The following GATAD2B variants were observed in gnomAD, a reference collection of about 807,000 sequenced individuals.
The protein encoded by GATAD2B is transcriptional repressor p66-beta.
GATAD2B carries 8 observed loss-of-function variants against 64.3 expected under a neutral mutation model. The ratio of observed to expected loss-of-function variants is 0.12; its 90% CI spans 0.07 to 0.22. The LOEUF is 0.22. GATAD2B is among the 10% of genes least tolerant of loss of function. The pLI is 1.00. For synonymous variants in GATAD2B, 281 were observed against 271.3 expected, an observed-to-expected ratio of 1.04 and a Z score of -0.35; for missense variants, 453 against 752.0, an observed-to-expected ratio of 0.60 and a Z score of 4.65.
intron 1 of GATAD2B, among the ~76,000 whole-genome samples, chr1:153,916,864 A>C (rs1678281213): frequency 2.0e-5 from 3 of 152,188 alleles, no homozygotes. Context: ...GCTAGAGCAC[A>C]GTGGCACAAT....
At chr1:153,819,927 C>T (rs889002300) in intron 2 of GATAD2B, among the ~76,000 whole-genome samples, 192 bp from the exon 3 acceptor site, 12 of 151,818 alleles carry the variant, frequency 7.9e-5, no homozygotes, top group African/African-American at 2.7e-4. Flanking sequence ...GGTGAAACCC[C>T]GTCTCTACTA....
At chr1:153,884,837 A>G (rs1013511448) in intron 1 of GATAD2B, among the ~76,000 whole-genome samples, 1 of 151,552 alleles carries the variant, frequency 6.6e-6, no homozygotes, top group Non-Finnish European at 1.5e-5. Context: ...GCTCACTGCA[A>G]CCTCTGCCTC....
At chr1:153,842,767 C>T (rs1261348336) in intron 1 of GATAD2B, among the ~76,000 whole-genome samples, 9 of 151,662 alleles carry the variant, frequency 5.9e-5, no homozygotes, top group Admixed American at 5.3e-4. Flanking sequence ...ATTCTCCTAC[C>T]TCAACCTCCG....
At chr1:153,903,212 C>T (rs1677830957) in intron 1 of GATAD2B, among the ~76,000 whole-genome samples, 1 of 149,514 alleles carries the variant, frequency 6.7e-6, no homozygotes, top group African/African-American at 2.5e-5. Flanking sequence ...AGCGAGACTC[C>T]ATCTCAAAAA....
chr1:153,869,291 C>CAA (rs58795446), intron 1 of GATAD2B, among the ~76,000 whole-genome samples: 283 of 143,950 alleles, frequency 2.0e-3, no homozygotes, highest in Middle Eastern at 3.5e-3. Flanking sequence ...GACTATATCT[C>CAA]AAAAAAAAAA....
At chr1:153,865,055 G>A (rs1456521931) in intron 1 of GATAD2B, among the ~76,000 whole-genome samples, 1 of 152,076 alleles carries the variant, frequency 6.6e-6, no homozygotes, top group East Asian at 1.9e-4. Flanking sequence ...GGGTGACAGA[G>A]AGACACTCCA....
chr1:153,853,693 T>C (rs12038577), intron 1 of GATAD2B, among the ~76,000 whole-genome samples: 42,025 of 152,050 alleles, frequency 0.28, 6,294 homozygotes, highest in Admixed American at 0.39. Flanking sequence ...ACCAATGTCA[T>C]AATGCTTTTT....
chr1:153,848,575 C>T (rs758818676), intron 1 of GATAD2B, among the ~76,000 whole-genome samples: 10 of 152,148 alleles, frequency 6.6e-5, no homozygotes, highest in Non-Finnish European at 1.5e-4. Context: ...CATTTATATA[C>T]TAATTCTCAA....
At chr1:153,810,495 C>A (rs1445781219) in intron 10 of GATAD2B, among the ~76,000 whole-genome samples, 185 bp from the exon 11 acceptor site, 1 of 152,240 alleles carries the variant, frequency 6.6e-6, no homozygotes, top group Non-Finnish European at 1.5e-5. Flanking sequence ...CAGTCTCATT[C>A]TGTCACCCAG....
At chr1:153,854,697 T>C (rs952421697) in intron 1 of GATAD2B, among the ~76,000 whole-genome samples, 7 of 152,232 alleles carry the variant, frequency 4.6e-5, no homozygotes, top group Admixed American at 3.3e-4. Context: ...ACTGCCATTA[T>C]AAAATATGCT....
intron 1 of GATAD2B, among the ~76,000 whole-genome samples, chr1:153,863,958 C>G (rs1055322762): frequency 2.0e-5 from 3 of 152,078 alleles, no homozygotes; most frequent in African/African-American, 7.2e-5. Flanking sequence ...CAAAGTAGAA[C>G]GGATGTAGGC....
intron 2 of GATAD2B, among the ~76,000 whole-genome samples, chr1:153,824,338 T>C (rs1462694213): frequency 6.6e-6 from 1 of 152,060 alleles, no homozygotes; most frequent in African/African-American, 2.4e-5. Context: ...TTAAAAAAAT[T>C]GTTGGGTTTG....
chr1:153,812,182 C>T (rs1286746292), intron 8 of GATAD2B, 50 bp from the exon 9 acceptor site: 2 of 937,374 alleles, frequency 2.1e-6, no homozygotes, highest in East Asian at 2.4e-5. Context: ...CACCCAATAC[C>T]CAATTTCCTT....
intron 1 of GATAD2B, among the ~76,000 whole-genome samples, chr1:153,909,875 G>A (rs1678062583): frequency 6.6e-6 from 1 of 151,202 alleles, no homozygotes; most frequent in Non-Finnish European, 1.5e-5. Flanking sequence ...CTGAACCTGG[G>A]AGGCAGAGGT....
chr1:153,849,064 T>C (rs551245605), intron 1 of GATAD2B, among the ~76,000 whole-genome samples: 2 of 151,954 alleles, frequency 1.3e-5, no homozygotes, highest in South Asian at 2.1e-4. Flanking sequence ...AGTCTCTCCA[T>C]GTTGCCAAAC....
At chr1:153,920,094 C>G (rs1203069875) in intron 1 of GATAD2B, among the ~76,000 whole-genome samples, 3 of 152,208 alleles carry the variant, frequency 2.0e-5, no homozygotes, top group Admixed American at 1.3e-4. Context: ...GTCTAGAAAT[C>G]AGGACAGCAC....
chr1:153,884,843 G>C (rs567561360), intron 1 of GATAD2B, among the ~76,000 whole-genome samples: 1 of 151,790 alleles, frequency 6.6e-6, no homozygotes, highest in African/African-American at 2.4e-5. Flanking sequence ...TGCAACCTCT[G>C]CCTCCCGGGC....
At chr1:153,865,165 T>C (rs1419665334) in intron 1 of GATAD2B, among the ~76,000 whole-genome samples, 1 of 150,016 alleles carries the variant, frequency 6.7e-6, no homozygotes, top group Non-Finnish European at 1.5e-5. Context: ...GATTAAAATC[T>C]ACGTCTAATT....
At chr1:153,921,676 G>T (rs1368265284) in intron 1 of GATAD2B, among the ~76,000 whole-genome samples, 1 of 152,080 alleles carries the variant, frequency 6.6e-6, no homozygotes, top group Middle Eastern at 3.2e-3. Context: ...GAGGCTACCT[G>T]ATTTTCCAGG....
Sources: allele counts gnomAD v4.1 joint callset (sites outside exome capture counted in the v4.1 genomes callset), GRCh38; gene constraint gnomAD v4.1.1; transcripts MANE v1.5; gene names NCBI Gene and HGNC (gene_info 2026-07-23, HGNC 2026-07-21).